MTMR7: variants seen among roughly 807,000 people sequenced by gnomAD.
MTMR7 encodes the protein phosphatidylinositol-3-phosphate phosphatase MTMR7.
In MTMR7, 76 loss-of-function variants were observed where a neutral mutation model predicts 81.2. The ratio of observed to expected loss-of-function variants is 0.94; its 90% CI spans 0.78 to 1.13. MTMR7 has a LOEUF of 1.13. Among genes scored for constraint, MTMR7 ranks in the 50% most tolerant of loss-of-function variants. The pLI, the probability that MTMR7 is intolerant of heterozygous loss-of-function variation, is 0.00. For synonymous variants in MTMR7, 372 were observed against 289.8 expected (o/e 1.28, Z -2.88); for missense variants, 1,044 against 820.0 (o/e 1.27, Z -3.34).
chr8:17,328,583 G>A (rs1364733154), intron 7 of MTMR7, among the ~76,000 whole-genome samples: 1 of 152,090 alleles, frequency 6.6e-6, no homozygotes, highest in Non-Finnish European at 1.5e-5. Context: ...TGGGGGAGTG[G>A]AGGGAGAGCA....
intron 1 of MTMR7, among the ~76,000 whole-genome samples, chr8:17,403,970 G>C (rs950085479): frequency 6.6e-6 from 1 of 151,942 alleles, no homozygotes; most frequent in African/African-American, 2.4e-5. Flanking sequence ...TCTTTTTTTG[G>C]TGGAGTCTTT....
At chr8:17,397,173 T>C (rs1175782403) in intron 1 of MTMR7, among the ~76,000 whole-genome samples, 1 of 151,398 alleles carries the variant, frequency 6.6e-6, no homozygotes, top group Non-Finnish European at 1.5e-5. Flanking sequence ...AGAGACTCCT[T>C]GTGCTTGAAA....
intron 4 of MTMR7, among the ~76,000 whole-genome samples, chr8:17,353,190 A>G (rs1004564401): frequency 3.3e-5 from 5 of 152,216 alleles, no homozygotes; most frequent in African/African-American, 1.2e-4. Context: ...GCCTGTCACA[A>G]AAAGAAAATA....
intron 4 of MTMR7, among the ~76,000 whole-genome samples, chr8:17,360,149 T>C (rs750936752): frequency 6.6e-6 from 1 of 152,172 alleles, no homozygotes; most frequent in African/African-American, 2.4e-5. Flanking sequence ...TCACAATATG[T>C]ATGTGAAGAA....
intron 4 of MTMR7, among the ~76,000 whole-genome samples, chr8:17,358,246 C>T (rs1249686444): frequency 2.0e-5 from 3 of 151,836 alleles, no homozygotes; most frequent in African/African-American, 7.3e-5. Flanking sequence ...CAAACTCTGA[C>T]AAAGAGAAAG....
intron 7 of MTMR7, among the ~76,000 whole-genome samples, chr8:17,313,777 A>C (rs1255100313): frequency 6.6e-6 from 1 of 152,210 alleles, no homozygotes; most frequent in African/African-American, 2.4e-5. Context: ...TGAGGAAAAA[A>C]ATCATATAAC....
At chr8:17,370,968 A>C in intron 3 of MTMR7, 69 bp downstream of exon 3, 1 of 1,507,488 alleles carries the variant, frequency 6.6e-7, no homozygotes, top group South Asian at 1.2e-5. Context: ...GCACCATACA[A>C]ATTCTTGAAT....
At chr8:17,357,672 C>T (rs948203214) in intron 4 of MTMR7, among the ~76,000 whole-genome samples, 2 of 152,158 alleles carry the variant, frequency 1.3e-5, no homozygotes, top group Non-Finnish European at 2.9e-5. Context: ...TTAAGTGAGG[C>T]CTTCCTATAT....
chr8:17,349,621 A>C (rs1337584566), intron 4 of MTMR7: 1 of 153,230 alleles, frequency 6.5e-6, no homozygotes, highest in Admixed American at 6.4e-5. Context: ...TCCGTTCTTC[A>C]AGGGCCAATC....
intron 1 of MTMR7, among the ~76,000 whole-genome samples, chr8:17,403,304 G>C (rs1821481179): frequency 6.6e-6 from 1 of 152,152 alleles, no homozygotes; most frequent in South Asian, 2.1e-4. Flanking sequence ...TGGATATCCA[G>C]TTTTCTAAGC....
chr8:17,405,872 ACACACACC>A (rs202240293), intron 1 of MTMR7, among the ~76,000 whole-genome samples: 50,743 of 121,630 alleles, frequency 0.42, 10,100 homozygotes, highest in Admixed American at 0.57. Flanking sequence ...ACACACACAC[ACACACACC>A]ACAGAGAAAA....
chr8:17,406,776 C>T (rs960087486), intron 1 of MTMR7, among the ~76,000 whole-genome samples: 1 of 152,102 alleles, frequency 6.6e-6, no homozygotes, highest in Non-Finnish European at 1.5e-5. Context: ...GGATTAGCCA[C>T]AGAACAGATA....
At chr8:17,300,374 C>T (rs1006258167) in intron 13 of MTMR7, 150 bp from the exon 14 acceptor site, 10 of 794,186 alleles carry the variant, frequency 1.3e-5, no homozygotes, top group African/African-American at 7.0e-5. Context: ...CTGGACTTCA[C>T]GACCTTGGAC....
chr8:17,395,309 T>C (rs1821215636), intron 1 of MTMR7, among the ~76,000 whole-genome samples: 1 of 152,224 alleles, frequency 6.6e-6, no homozygotes, highest in African/African-American at 2.4e-5. Context: ...TCTGTTTATC[T>C]GTTCATTTGT....
chr8:17,348,097 C>A (rs4921543), intron 5 of MTMR7, among the ~76,000 whole-genome samples: 14,393 of 152,168 alleles, frequency 0.095, 956 homozygotes, highest in Non-Finnish European at 0.15. Context: ...AAAATTGTAT[C>A]CTCTTAGAGC....
At chr8:17,364,634 A>G (rs1288841929) in intron 3 of MTMR7, among the ~76,000 whole-genome samples, 3 of 152,128 alleles carry the variant, frequency 2.0e-5, no homozygotes, top group Non-Finnish European at 4.4e-5. Context: ...TATGAGTTTA[A>G]CTGTCATAGA....
intron 1 of MTMR7, among the ~76,000 whole-genome samples, chr8:17,384,440 CA>C (rs1388942439): frequency 6.6e-6 from 1 of 152,120 alleles, no homozygotes; most frequent in Non-Finnish European, 1.5e-5. Flanking sequence ...TAATTATTAA[CA>C]AACATATCCA....
At chr8:17,303,856 C>G (rs553442277) in intron 12 of MTMR7, among the ~76,000 whole-genome samples, 1 of 152,110 alleles carries the variant, frequency 6.6e-6, no homozygotes, top group Non-Finnish European at 1.5e-5. Context: ...GTGATCCACC[C>G]GCCTCGGCTA....
At chr8:17,334,507 C>T (rs1586210779) in intron 6 of MTMR7, among the ~76,000 whole-genome samples, 1 of 152,190 alleles carries the variant, frequency 6.6e-6, no homozygotes, top group Admixed American at 6.5e-5. Flanking sequence ...AAACACACAA[C>T]AGATAGGTGA....
Sources: gnomAD v4.1 joint callset for allele counts (sites outside exome capture counted in the v4.1 genomes callset) on GRCh38, gnomAD v4.1.1 for gene constraint, MANE v1.5 for transcripts, NCBI Gene and HGNC (gene_info 2026-07-23, HGNC 2026-07-21) for gene names.